PAQR5: variants seen among roughly 807,000 people sequenced by gnomAD.
PAQR5 encodes the protein progestin and adipoQ receptor family member 5.
In PAQR5, 20 loss-of-function variants were observed where a neutral mutation model predicts 34.5. That is an observed-to-expected ratio of 0.58 (90% CI 0.41 to 0.84). The LOEUF (loss-of-function observed/expected upper bound fraction) is 0.84, where lower values mean the gene tolerates loss of function less well. Ranked by LOEUF, PAQR5 falls within the 40% of genes least tolerant of loss-of-function variation. The pLI is 0.00. For missense variants in PAQR5, 378 were observed against 412.7 expected (o/e 0.92, Z 0.73); for synonymous variants, 131 against 155.6 (o/e 0.84, Z 1.18).
chr15:69,384,332 C>T (rs1453905231), intron 4 of PAQR5, among the ~76,000 whole-genome samples: 17 of 120,954 alleles, frequency 1.4e-4, no homozygotes, highest in Admixed American at 9.0e-5. Flanking sequence ...CCTCCGTGTT[C>T]ATCGCGGAGG....
chr15:69,314,219 G>T (rs1038218868), intron 1 of PAQR5, among the ~76,000 whole-genome samples: 18 of 151,690 alleles, frequency 1.2e-4, no homozygotes, highest in Admixed American at 1.1e-3. Flanking sequence ...AAAAAAAAAA[G>T]GAAATTGTGT....
intron 1 of PAQR5, among the ~76,000 whole-genome samples, chr15:69,310,866 G>T (rs576482351): frequency 6.6e-6 from 1 of 151,524 alleles, no homozygotes; most frequent in African/African-American, 2.4e-5. Flanking sequence ...GTGAAACCCC[G>T]TCTCTACTAA....
At chr15:69,345,311 T>C (rs2054741290) in intron 2 of PAQR5, among the ~76,000 whole-genome samples, 1 of 152,206 alleles carries the variant, frequency 6.6e-6, no homozygotes, top group Non-Finnish European at 1.5e-5. Flanking sequence ...CTGGAAGTTA[T>C]TAAGTTTTTG....
intron 1 of PAQR5, among the ~76,000 whole-genome samples, chr15:69,319,169 A>T (rs11072081): frequency 0.2 from 171 of 874 alleles, 7 homozygotes; most frequent in East Asian, 0.5. Flanking sequence ...ATATATATAT[A>T]TATATATATA....
At chr15:69,337,070 A>G (rs575719058) in intron 1 of PAQR5, among the ~76,000 whole-genome samples, 1 of 152,366 alleles carries the variant, frequency 6.6e-6, no homozygotes, top group South Asian at 2.1e-4. Flanking sequence ...GAATAGAGGA[A>G]AAAAGGAAAC....
intron 1 of PAQR5, among the ~76,000 whole-genome samples, chr15:69,323,276 A>G (rs2054170324): frequency 6.6e-6 from 1 of 152,262 alleles, no homozygotes; most frequent in Non-Finnish European, 1.5e-5. Context: ...TAGGTCTACT[A>G]GCAGATGGCC....
intron 6 of PAQR5, among the ~76,000 whole-genome samples, chr15:69,395,664 G>T (rs2056403924): frequency 6.6e-6 from 1 of 152,140 alleles, no homozygotes. Context: ...ACCTGCCGAG[G>T]TCACGTGGTT....
At chr15:69,395,317 G>T (rs150099756) in intron 6 of PAQR5, among the ~76,000 whole-genome samples, 1 of 152,336 alleles carries the variant, frequency 6.6e-6, no homozygotes, top group South Asian at 2.1e-4. Flanking sequence ...TGAGACAGAG[G>T]GGGTGACACT....
At chr15:69,391,376 T>C (rs1349586634) in intron 6 of PAQR5, 1 of 172,032 alleles carries the variant, frequency 5.8e-6, no homozygotes, top group Non-Finnish European at 1.3e-5. Flanking sequence ...TTGGGAATAC[T>C]TGTTCCAATT....
At chr15:69,344,888 G>A (rs2054728136) in intron 2 of PAQR5, among the ~76,000 whole-genome samples, 2 of 152,156 alleles carry the variant, frequency 1.3e-5, no homozygotes, top group South Asian at 2.1e-4. Flanking sequence ...TTGAGCTCAG[G>A]AGTTAGAGAC....
chr15:69,346,621 A>ATTT (rs59483245), intron 2 of PAQR5, among the ~76,000 whole-genome samples: 12 of 132,554 alleles, frequency 9.1e-5, no homozygotes, highest in African/African-American at 2.5e-4. Context: ...TCCAGCTGCA[A>ATTT]TTTTTTTTTT....
chr15:69,394,466 A>G (rs2056358690), intron 6 of PAQR5, among the ~76,000 whole-genome samples: 1 of 152,056 alleles, frequency 6.6e-6, no homozygotes, highest in Non-Finnish European at 1.5e-5. Flanking sequence ...ACACACGTGC[A>G]CTCGTGCGTG....
At chr15:69,340,409 C>T (rs1434645777) in intron 2 of PAQR5, among the ~76,000 whole-genome samples, 1 of 152,168 alleles carries the variant, frequency 6.6e-6, no homozygotes, top group African/African-American at 2.4e-5. Context: ...ATAGATTTCA[C>T]GATCCATTGA....
intron 2 of PAQR5, among the ~76,000 whole-genome samples, chr15:69,345,071 G>A (rs2054733612): frequency 6.6e-6 from 1 of 151,674 alleles, no homozygotes; most frequent in African/African-American, 2.4e-5. Context: ...TCCAGCCTGG[G>A]TGACAGAGTG....
chr15:69,338,570 C>T (rs2054565029), intron 2 of PAQR5, among the ~76,000 whole-genome samples: 1 of 152,232 alleles, frequency 6.6e-6, no homozygotes, highest in Non-Finnish European at 1.5e-5. Flanking sequence ...TTGGGGTTCA[C>T]TCCCATTCCC....
At chr15:69,328,364 C>T (rs1009642043) in intron 1 of PAQR5, among the ~76,000 whole-genome samples, 1 of 152,192 alleles carries the variant, frequency 6.6e-6, no homozygotes, top group Non-Finnish European at 1.5e-5. Flanking sequence ...TCAAGGGCAC[C>T]AGTTAGTGAA....
At position 69,325,307 on chromosome 15, in the gene PAQR5, G is replaced by A. The variant is rs2054223664; in HGVS notation, c.-276-12034G>A. On this transcript the variant is annotated intron_variant, in intron 1 of 8. Coordinates refer to ENST00000395407, the MANE Select transcript of PAQR5 (RefSeq NM_017705.4). ...TTTTTTAAGCACTGTCTATCCCCAG[G>A]CAGCTGCATCGCCCTTATAGGTCAG... is the stretch of plus-strand genomic sequence containing the variant. Among the ~76,000 whole-genome samples, 9 of 152,112 alleles carry A rather than the reference G, an allele frequency of 5.9e-5. No individual in the cohort carries two copies. In the South Asian group the frequency reaches 1.9e-3, roughly 32 times the overall value.
intron 1 of PAQR5, among the ~76,000 whole-genome samples, chr15:69,315,753 C>A (rs1427536426): frequency 1.3e-5 from 2 of 152,326 alleles, no homozygotes; most frequent in East Asian, 3.9e-4. Flanking sequence ...TCTCCCTGGG[C>A]AAAGTGAATC....
intron 4 of PAQR5, among the ~76,000 whole-genome samples, chr15:69,382,168 G>T (rs979693329): frequency 1.3e-5 from 2 of 152,140 alleles, no homozygotes; most frequent in East Asian, 3.9e-4. Context: ...CTCCACCTGG[G>T]GCATTGCTTC....
Sources: allele counts gnomAD v4.1 joint callset (sites outside exome capture counted in the v4.1 genomes callset), GRCh38; gene constraint gnomAD v4.1.1; transcripts MANE v1.5; gene names NCBI Gene and HGNC (gene_info 2026-07-23, HGNC 2026-07-21).